The following PTPRM variants were observed in gnomAD, a reference collection of about 807,000 sequenced individuals.
PTPRM encodes the protein receptor-type tyrosine-protein phosphatase mu.
PTPRM carries 47 observed loss-of-function variants against 186.7 expected under a neutral mutation model. The observed-to-expected ratio is 0.25, with a 90% CI of 0.20 to 0.32. The LOEUF is 0.32. PTPRM is among the 10% of genes least tolerant of loss of function. The pLI is 1.00. For missense variants in PTPRM, 1,494 were observed against 1,865.0 expected (o/e 0.80, Z 3.66); for synonymous variants, 668 against 674.9 (o/e 0.99, Z 0.16).
intron 11 of PTPRM, among the ~76,000 whole-genome samples, chr18:8,095,111 G>A (rs981318762): frequency 1.3e-5 from 2 of 152,114 alleles, no homozygotes; most frequent in African/African-American, 4.8e-5. Flanking sequence ...AGGCTGCTAA[G>A]GGCTCTCTTC....
At chr18:8,305,692 G>A (rs2095214007) in intron 20 of PTPRM, among the ~76,000 whole-genome samples, 2 of 152,158 alleles carry the variant, frequency 1.3e-5, no homozygotes, top group South Asian at 2.1e-4. Flanking sequence ...AGAAGTTATT[G>A]AAGAGCATTC....
intron 14 of PTPRM, among the ~76,000 whole-genome samples, chr18:8,177,287 CA>C (rs1471919827): frequency 6.6e-6 from 1 of 152,174 alleles, no homozygotes; most frequent in Non-Finnish European, 1.5e-5. Flanking sequence ...ATTCATTCAA[CA>C]CATTTTTTGA....
chr18:8,227,060 C>G (rs1385739495), intron 14 of PTPRM, among the ~76,000 whole-genome samples: 1 of 152,194 alleles, frequency 6.6e-6, no homozygotes, highest in Non-Finnish European at 1.5e-5. Flanking sequence ...TATTAGCAAC[C>G]TCAATTCCAA....
intron 13 of PTPRM, among the ~76,000 whole-genome samples, chr18:8,116,737 A>G (rs575463640): frequency 2.2e-4 from 34 of 152,342 alleles, no homozygotes; most frequent in African/African-American, 7.9e-4. Flanking sequence ...TGAATTAGAT[A>G]GTGATTTGGA....
chr18:7,947,029 G>T (rs887899031), intron 5 of PTPRM: 3 of 455,954 alleles, frequency 6.6e-6, no homozygotes, highest in African/African-American at 2.0e-5. Context: ...GTTTTCTAGG[G>T]TGGCCTGGGA....
Position 7,926,635 on chromosome 18 carries a change from G to T in PTPRM, c.615G>T (p.Gln205His). 1 of 1,613,786 alleles carries T rather than the reference G, an allele frequency of 6.2e-7. No individual in the cohort carries two copies. Reference protein sequence around the residue: ...EVNAGQFATFQCSAIGRTVAG... With the variant: ...EVNAGQFATFHCSAIGRTVAG... ...ATGCTGGCCAGTTTGCTACCTTCCA[G>T]TGCAGTGCCATCGGCAGGACCGTGG... Residue 205 changes from glutamine (Q) to histidine (H), a missense_variant, in exon 5 of 33, where the codon CAG becomes CAT. Gln to His is a conservative substitution (Grantham distance 24). Around this residue, in one of 3 missense-constraint regions of PTPRM, gnomAD observed 296 missense variants for 345.5 expected, o/e 0.86. Coordinates refer to ENST00000580170, the MANE Select transcript of PTPRM (RefSeq NM_001105244.2).
intron 7 of PTPRM, among the ~76,000 whole-genome samples, chr18:8,053,324 A>G (rs1017452824): frequency 6.6e-6 from 1 of 152,204 alleles, no homozygotes; most frequent in Non-Finnish European, 1.5e-5. Context: ...CCCTGTAATC[A>G]GAAAAAATAA....
chr18:7,887,395 A>G (rs919797440), intron 2 of PTPRM, among the ~76,000 whole-genome samples: 1 of 152,310 alleles, frequency 6.6e-6, no homozygotes, highest in South Asian at 2.1e-4. Context: ...AGTTGGGACA[A>G]TGATTGCCTA....
intron 1 of PTPRM, among the ~76,000 whole-genome samples, chr18:7,573,255 C>T (rs2036605513): frequency 6.6e-6 from 1 of 152,158 alleles, no homozygotes; most frequent in African/African-American, 2.4e-5. Flanking sequence ...AGGAGAAACA[C>T]ATGGAAAGTT....
At chr18:7,664,305 C>T (rs867671011) in intron 1 of PTPRM, among the ~76,000 whole-genome samples, 4 of 152,156 alleles carry the variant, frequency 2.6e-5, no homozygotes, top group Non-Finnish European at 4.4e-5. Flanking sequence ...TGTGGGATTA[C>T]GCAGGAGCTA....
intron 1 of PTPRM, among the ~76,000 whole-genome samples, chr18:7,605,525 T>A (rs2037510859): frequency 6.6e-6 from 1 of 152,070 alleles, no homozygotes; most frequent in Admixed American, 6.6e-5. Flanking sequence ...CCTATAGATG[T>A]ATAAGGGAGG....
chr18:7,932,884 T>G (rs1811678001), intron 5 of PTPRM, among the ~76,000 whole-genome samples: 1 of 152,204 alleles, frequency 6.6e-6, no homozygotes, highest in South Asian at 2.1e-4. Context: ...TATCCGAGAT[T>G]TTCACGTTCC....
intron 7 of PTPRM, among the ~76,000 whole-genome samples, chr18:7,972,628 T>G (rs2054634808): frequency 6.6e-6 from 1 of 151,998 alleles, no homozygotes; most frequent in African/African-American, 2.4e-5. Flanking sequence ...ATTTTGCTAT[T>G]CTTTAGCTCA....
chr18:8,028,396 G>A (rs915221919), intron 7 of PTPRM, among the ~76,000 whole-genome samples: 1 of 152,118 alleles, frequency 6.6e-6, no homozygotes, highest in Non-Finnish European at 1.5e-5. Context: ...TGATTTTTCA[G>A]GTTATCAGAG....
At chr18:8,178,504 C>T (rs1450868591) in intron 14 of PTPRM, among the ~76,000 whole-genome samples, 1 of 152,130 alleles carries the variant, frequency 6.6e-6, no homozygotes, top group Non-Finnish European at 1.5e-5. Context: ...CTTTGATGGG[C>T]TGGGCACGGT....
At chr18:8,234,793 G>C (rs1304851885) in intron 14 of PTPRM, among the ~76,000 whole-genome samples, 3 of 152,016 alleles carry the variant, frequency 2.0e-5, no homozygotes, top group Non-Finnish European at 2.9e-5. Flanking sequence ...CATTTATCAA[G>C]ACTGGGTATT....
intron 1 of PTPRM, among the ~76,000 whole-genome samples, chr18:7,661,097 A>C (rs1159270109): frequency 6.6e-6 from 1 of 152,270 alleles, no homozygotes; most frequent in Non-Finnish European, 1.5e-5. Context: ...GAACAGGACT[A>C]TCTTTGCACA....
chr18:7,608,879 G>A (rs1047096351), intron 1 of PTPRM, among the ~76,000 whole-genome samples: 2 of 152,290 alleles, frequency 1.3e-5, no homozygotes, highest in African/African-American at 4.8e-5. Context: ...TGATGAAAGA[G>A]CAGCCTTTCC....
intron 2 of PTPRM, among the ~76,000 whole-genome samples, chr18:7,848,154 A>T (rs1408483814): frequency 6.6e-6 from 1 of 152,096 alleles, no homozygotes; most frequent in East Asian, 1.9e-4. Context: ...TCCCCACCAG[A>T]CTGTGTATCC....
Sources: allele counts gnomAD v4.1 joint callset (sites outside exome capture counted in the v4.1 genomes callset), GRCh38; gene constraint gnomAD v4.1.1; regional missense constraint gnomAD v4.1.1; transcripts MANE v1.5; gene names NCBI Gene and HGNC (gene_info 2026-07-23, HGNC 2026-07-21).